The following NPC1L1 variants were observed in gnomAD, a reference collection of about 807,000 sequenced individuals.
The protein encoded by NPC1L1 is NPC1-like intracellular cholesterol transporter 1.
Under a neutral mutation model 117.0 loss-of-function variants are expected in NPC1L1, and 98 were observed. That is an observed-to-expected ratio of 0.84 (90% CI 0.71 to 0.99). NPC1L1 has a LOEUF of 0.99. Ranked by LOEUF, NPC1L1 falls within the 50% of genes least tolerant of loss-of-function variation. NPC1L1 has a pLI of 0.00. For missense variants in NPC1L1, 1,540 were observed against 1,710.0 expected (o/e 0.90, Z 1.75); for synonymous variants, 729 against 727.6 (o/e 1.00, Z -0.03).
At position 44,536,385 on chromosome 7, in the gene NPC1L1, G is replaced by A. The variant is rs1801893226; in HGVS notation, c.1725C>T (p.Ser575=). The A allele has an allele frequency of 1.9e-6, 3 of 1,614,026 alleles. No homozygotes were observed. The highest frequency in any genetic ancestry group is 1.1e-5 in the South Asian group (1 of 91,092). ...GGTCCCCGGCAGGGTAATTGTTGAG[G>A]GAGAACGTCATGATCAGGGCCTCTG... The part of the protein sequence containing the change: ...SEAEALIMTF[S]LNNYPAGDPR... The change falls in exon 4 of 19, where the codon TCC becomes TCT. Residue 575 remains serine (S), a synonymous_variant. Coordinates refer to ENST00000381160, the MANE Select transcript of NPC1L1 (RefSeq NM_001101648.2). This position sits in a 1 kb window ranked among gnomAD's most constrained non-coding sequence, Gnocchi z 4.7.
At chr7:44,515,112 A>C (rs1022330374) in intron 18 of NPC1L1, among the ~76,000 whole-genome samples, 5 of 152,152 alleles carry the variant, frequency 3.3e-5, no homozygotes, top group African/African-American at 1.2e-4. Context: ...TAATCCTAGC[A>C]CTGTGGAAGG....
chr7:44,522,004 G>A (rs1468682992), intron 11 of NPC1L1, 48 bp downstream of exon 11: 3 of 1,602,572 alleles, frequency 1.9e-6, no homozygotes, highest in Non-Finnish European at 2.6e-6. Context: ...GGACTGGAGG[G>A]ACTCAAACAG....
chr7:44,518,189 C>T (rs903231071), intron 14 of NPC1L1, among the ~76,000 whole-genome samples: 3 of 151,212 alleles, frequency 2.0e-5, no homozygotes, highest in African/African-American at 4.9e-5. Context: ...TTTTTGTTTT[C>T]GAGACAGAGT....
chr7:44,531,267 C>T (rs1801691209), intron 10 of NPC1L1, among the ~76,000 whole-genome samples: 1 of 152,242 alleles, frequency 6.6e-6, no homozygotes, highest in South Asian at 2.1e-4. Flanking sequence ...ATCCCACCCC[C>T]ACAGTCGCTG....
chr7:44,522,341 G>T, intron 10 of NPC1L1, 99 bp from the exon 11 acceptor site: 1 of 1,149,440 alleles, frequency 8.7e-7, no homozygotes, highest in Non-Finnish European at 1.3e-6. Context: ...AGAGGTACAT[G>T]CTAAAAGGCA....
intron 14 of NPC1L1, chr7:44,518,705 A>G (rs934814363): frequency 9.8e-6 from 12 of 1,225,518 alleles, no homozygotes; most frequent in Non-Finnish European, 1.3e-5. Context: ...TATTGTGTAC[A>G]GTGAGCATGT....
chr7:44,539,770 T>C lies in NPC1L1; in HGVS notation c.627A>G (p.Thr209=), dbSNP rs1304542643. 6.2e-7 allele frequency: 1 copy of C among 1,614,150 alleles called. No individual in the cohort carries two copies. The change falls in exon 2 of 19, where the codon ACA becomes ACG. Residue 209 remains threonine (T), a synonymous_variant. Transcript: ENST00000381160. The surrounding 1 kb of genome is among the most constrained non-coding windows in gnomAD (Gnocchi z 4.4). The stretch of plus-strand genomic sequence containing the variant: ...TGTCCAGTGGGGCCAGACCATTGCC[T>C]GTGTCTCCCTGGAAGTTGAGCCAGC... ...AQRWLNFQGD[T]GNGLAPLDIT...
In NPC1L1 at chr7:44,535,739, G is replaced by C; in HGVS notation, c.1983+101C>G. ...GCAGCCACTTGGGTGTGTCCACTTT[G>C]CTGTTCTGAGGTGCTGTGGTTAGGA... is the stretch of plus-strand genomic sequence containing the variant. On this transcript the variant is annotated intron_variant, in intron 5 of 18. Transcript: ENST00000381160. 9.7e-6 allele frequency: 15 copies of C among 1,540,820 alleles called. No homozygotes were observed. The South Asian group carries it at 1.7e-4, about 18-fold the overall frequency.
At chr7:44,518,542 G>T (rs1426801172) in intron 14 of NPC1L1, 2 of 302,834 alleles carry the variant, frequency 6.6e-6, no homozygotes, top group Non-Finnish European at 1.3e-5. Flanking sequence ...AGTGGCATGT[G>T]CCTGTAATCC....
At chr7:44,535,316 AT>A (rs1801842928) in intron 5 of NPC1L1, among the ~76,000 whole-genome samples, 1 of 151,866 alleles carries the variant, frequency 6.6e-6, no homozygotes, top group South Asian at 2.1e-4. Flanking sequence ...GTGAGCCGAG[AT>A]CGCGCCGTTA....
chr7:44,520,740 C>T (rs377643787), intron 14 of NPC1L1, 25 bp downstream of exon 14: 40 of 1,609,594 alleles, frequency 2.5e-5, no homozygotes, highest in Non-Finnish European at 3.2e-5. Context: ...TTTATGTCCT[C>T]CCCTCCAGGC....
chr7:44,534,454 T>C lies in NPC1L1; in HGVS notation c.2159A>G (p.Glu720Gly), dbSNP rs774410407. The C allele has an allele frequency of 3.1e-6, 5 of 1,613,844 alleles. No individual in the cohort carries two copies. In the African/African-American group the frequency reaches 6.7e-5, roughly 22 times the overall value. ...GAGCTCCTCCCTTCTTACCTGGTAC[T>C]CGAGAACAAAGATGAAGATGTTATC... ...GADNIFIFVL[E>G]YQRLPRRPGE... The change falls in exon 6 of 19, where the codon GAG becomes GGG. Residue 720 changes from glutamate (E) to glycine (G), a missense_variant. Transcript: ENST00000381160. This position sits in a 1 kb window ranked among gnomAD's most constrained non-coding sequence, Gnocchi z 5.2.
At position 44,521,136 on chromosome 7, in the gene NPC1L1, G is replaced by A. The variant is rs1364776824; in HGVS notation, c.2954-18C>T. 1 of 1,613,994 alleles carries A rather than the reference G, an allele frequency of 6.2e-7. No homozygotes were observed. The highest frequency in any genetic ancestry group is 2.2e-5 in the East Asian group (1 of 44,870). ...CAGAGAGTCTGCAGAGAAAGCAGGGGTCTGGGCAGTGACACCCCAGGGCCA... is the reference window on the plus strand; with the variant it reads ...CAGAGAGTCTGCAGAGAAAGCAGGGATCTGGGCAGTGACACCCCAGGGCCA... On this transcript the variant is annotated intron_variant, in intron 12 of 18. Transcript: ENST00000381160.
chr7:44,528,962 T>G (rs1801609375), intron 10 of NPC1L1, among the ~76,000 whole-genome samples: 1 of 151,562 alleles, frequency 6.6e-6, no homozygotes, highest in Non-Finnish European at 1.5e-5. Flanking sequence ...TCCCAGCTAC[T>G]CAGGAGGCTG....
intron 15 of NPC1L1, 118 bp from the exon 16 acceptor site, chr7:44,517,052 A>G: frequency 6.9e-7 from 1 of 1,440,572 alleles, no homozygotes; most frequent in South Asian, 1.2e-5. Flanking sequence ...TGGGGTACAA[A>G]CCAGCCTAAG....
At position 44,515,726 on chromosome 7, in the gene NPC1L1, T is replaced by G. The variant is rs1006931753; in HGVS notation, c.3796+77A>C. The G allele has an allele frequency of 2.5e-6, 4 of 1,586,224 alleles. No individual in the cohort carries two copies. The African/African-American group carries it at 5.4e-5, about 21-fold the overall frequency. On this transcript the variant is annotated intron_variant, in intron 18 of 18. Coordinates refer to ENST00000381160, the MANE Select transcript of NPC1L1 (RefSeq NM_001101648.2). The stretch of plus-strand genomic sequence containing the variant: ...TGGCTCGTTTGCACTTCCTGAGCTT[T>G]TGTGGTGAGCATGCACTGTTACTGT...
In NPC1L1 at chr7:44,516,703, C is replaced by T. The variant is rs752476916; in HGVS notation, c.3519G>A (p.Ser1173=). The change falls in exon 16 of 19, where the codon TCG becomes TCA. Residue 1173 remains serine, a splice_region_variant and synonymous_variant. Transcript: ENST00000381160. ...CTGGTGCCTGTGTCTGCTGGGTTAC[C>T]GAGACCAGGTTGATGAGGGACACAG... ...YNAVSLINLV[S]AVGMSVEFVS... The T allele has an allele frequency of 1.6e-5, 26 of 1,607,244 alleles. No homozygotes were observed. The highest frequency in any genetic ancestry group is 2.0e-5 in the Non-Finnish European group (23 of 1,176,774).
intron 14 of NPC1L1, among the ~76,000 whole-genome samples, chr7:44,519,918 G>A (rs954851337): frequency 4.6e-5 from 7 of 151,178 alleles, no homozygotes; most frequent in Non-Finnish European, 2.9e-5. Context: ...CATTCTTCCC[G>A]CCCAGCCTTC....
At chr7:44,529,026 G>A (rs575613411) in intron 10 of NPC1L1, among the ~76,000 whole-genome samples, 11 of 150,548 alleles carry the variant, frequency 7.3e-5, no homozygotes, top group African/African-American at 2.2e-4. Context: ...AGCTGAGATC[G>A]CTCCACTGCA....
Sources: allele counts gnomAD v4.1 joint callset (sites outside exome capture counted in the v4.1 genomes callset), GRCh38; gene constraint gnomAD v4.1.1; non-coding constraint Gnocchi (gnomAD v3.1); transcripts MANE v1.5; gene names NCBI Gene and HGNC (gene_info 2026-07-23, HGNC 2026-07-21).